MAP4K5: variants seen among roughly 807,000 people sequenced by gnomAD.
MAP4K5 encodes the protein MAPK/ERK kinase kinase kinase 5.
In MAP4K5, 82 loss-of-function variants were observed where a neutral mutation model predicts 135.6. That is an observed-to-expected ratio of 0.60 (90% CI 0.51 to 0.73). MAP4K5 has a LOEUF of 0.73. Ranked by LOEUF, MAP4K5 falls within the 30% of genes least tolerant of loss-of-function variation. MAP4K5 has a pLI of 0.00. For synonymous variants in MAP4K5, 347 were observed against 335.0 expected (o/e 1.04, Z -0.39); for missense variants, 907 against 1,010.9 (o/e 0.90, Z 1.39).
chr14:50,550,062 G>T (rs113810508), intron 1 of MAP4K5, among the ~76,000 whole-genome samples: 6,046 of 152,266 alleles, frequency 0.04, 378 homozygotes, highest in African/African-American at 0.14. Context: ...GCTGGAGGGT[G>T]AATGAAGGCT....
chr14:50,435,118 C>A, intron 26 of MAP4K5, 53 bp from the exon 27 acceptor site: 1 of 867,562 alleles, frequency 1.2e-6, no homozygotes, highest in Non-Finnish European at 1.9e-6. Context: ...ATACTGAATA[C>A]TTTCATTGTA....
intron 28 of MAP4K5, among the ~76,000 whole-genome samples, chr14:50,432,768 G>A (rs1445811913): frequency 6.6e-6 from 1 of 151,910 alleles, no homozygotes; most frequent in Non-Finnish European, 1.5e-5. Context: ...TGGGCTGTCA[G>A]CCAAAACTTG....
intron 1 of MAP4K5, chr14:50,560,646 T>C (rs2038828867): frequency 5.6e-6 from 2 of 354,122 alleles, no homozygotes; most frequent in African/African-American, 2.1e-5. Flanking sequence ...GGAGGAAGGC[T>C]ATGGGGGTGG....
chr14:50,484,356 T>C (rs879736328), intron 5 of MAP4K5, among the ~76,000 whole-genome samples: 3 of 152,226 alleles, frequency 2.0e-5, no homozygotes, highest in Admixed American at 1.3e-4. Context: ...TAGATAATTA[T>C]GACATTTTAA....
At chr14:50,471,054 T>C (rs1403535882) in intron 9 of MAP4K5, among the ~76,000 whole-genome samples, 1 of 152,164 alleles carries the variant, frequency 6.6e-6, no homozygotes, top group East Asian at 1.9e-4. Context: ...GTGCAGGATG[T>C]ACAGGTTTTT....
rs1384341001 is a variant in MAP4K5, at chr14:50,434,497, C to G, written c.2061G>C (p.Met687Ile). ...MLVIPEQEYP[M>I]VCVAISKGTE... is the part of the protein sequence containing the mutation. ...TGCCTTTGCTAATAGCTACACAGAC[C>G]ATAGGGTATTCCTGTTCAGGTATCA... is the stretch of plus-strand genomic sequence containing the variant. The change falls in exon 28 of 33, where the codon ATG becomes ATC. Residue 687 changes from methionine (M) to isoleucine (I), a missense_variant. By Grantham distance (10) the Met-to-Ile change is conservative. This residue lies in a region of MAP4K5 where 690 missense variants were observed against 777.4 expected (regional missense o/e 0.89). Coordinates refer to ENST00000682126, the MANE Select transcript of MAP4K5 (RefSeq NM_006575.6). 1.3e-5 allele frequency: 21 copies of G among 1,607,520 alleles called. No individual in the cohort carries two copies. Among genetic ancestry groups the G allele is most frequent in the Non-Finnish European group, 1.8e-5 (21 of 1,176,888 alleles).
At chr14:50,476,918 C>G (rs2037114609) in intron 6 of MAP4K5, among the ~76,000 whole-genome samples, 1 of 152,176 alleles carries the variant, frequency 6.6e-6, no homozygotes, top group Admixed American at 6.5e-5. Context: ...CACTGATGTG[C>G]TTTCTGGCAC....
chr14:50,513,621 T>C (rs1387856213), intron 2 of MAP4K5, among the ~76,000 whole-genome samples: 1 of 151,030 alleles, frequency 6.6e-6, no homozygotes, highest in Non-Finnish European at 1.5e-5. Flanking sequence ...AGGACAGCCA[T>C]CTAAAAGCTA....
intron 6 of MAP4K5, among the ~76,000 whole-genome samples, chr14:50,477,767 G>A (rs1367001491): frequency 6.6e-6 from 1 of 152,074 alleles, no homozygotes; most frequent in African/African-American, 2.4e-5. Flanking sequence ...AAGATGAAAT[G>A]ATTTTTGGAT....
chr14:50,554,066 C>CA (rs1046348590), intron 1 of MAP4K5, among the ~76,000 whole-genome samples: 4 of 149,868 alleles, frequency 2.7e-5, no homozygotes, highest in Admixed American at 1.3e-4. Flanking sequence ...ATTAATGTAA[C>CA]AAAAAAAATC....
At chr14:50,543,665 A>G (rs912648325) in intron 1 of MAP4K5, among the ~76,000 whole-genome samples, 1 of 152,170 alleles carries the variant, frequency 6.6e-6, no homozygotes, top group African/African-American at 2.4e-5. Context: ...AACCCCTGTA[A>G]GGATGTAGTA....
Position 50,464,088 on chromosome 14 carries a change from GT to G in MAP4K5, c.782del (p.Asn261ThrfsTer12). 2 of 1,547,364 alleles carry G rather than the reference GT, an allele frequency of 1.3e-6. No individual in the cohort carries two copies. The highest frequency in any genetic ancestry group is 1.7e-6 in the Non-Finnish European group (2 of 1,143,072). On this transcript the variant is annotated frameshift_variant, in exon 12 of 33. Coordinates refer to ENST00000682126, the MANE Select transcript of MAP4K5 (RefSeq NM_006575.6). LOFTEE classifies it high-confidence loss of function. ...TTTCAGCAGTTGGTCTTTTTTTTGG[GT>G]TTTTGGTTAGTGCTATTTTGACAAA... ...HNFVKIALTKNPKKRPTAERL... is the reference protein window; with the variant it reads ...HNFVKIALTKXPKKRPTAERL...
rs76111158 is a variant in MAP4K5 at position 50,557,357 on chromosome 14, T to C, written c.-180+3683A>G. Among the ~76,000 whole-genome samples the C allele has an allele frequency of 8.0e-3, 1,222 of 152,310 alleles. 9 individuals are homozygous for C. The highest frequency in any genetic ancestry group is 0.027 in the African/African-American group (1,132 of 41,566). On this transcript the variant is annotated intron_variant, in intron 1 of 8. Transcript: ENST00000555216. ...CATCTCCCGTAGGTGACCAATCTCA[T>C]TGGTTTCTGGTTTAGTCTTGCTGTA...
At chr14:50,435,802 A>G (rs943751837) in intron 26 of MAP4K5, among the ~76,000 whole-genome samples, 2 of 152,144 alleles carry the variant, frequency 1.3e-5, no homozygotes, top group African/African-American at 4.8e-5. Context: ...AAATCTATAA[A>G]AATTCATATT....
At chr14:50,475,263 T>C (rs2037069719) in intron 8 of MAP4K5, 114 bp from the exon 9 acceptor site, 1 of 764,858 alleles carries the variant, frequency 1.3e-6, no homozygotes, top group African/African-American at 1.7e-5. Context: ...GTTAGAAAAA[T>C]GCGCATAAAT....
At chr14:50,420,217 T>TG (rs1352800354) in intron 32 of MAP4K5, 111 bp from the exon 33 acceptor site, 1 of 712,680 alleles carries the variant, frequency 1.4e-6, no homozygotes, top group Non-Finnish European at 2.6e-6. Flanking sequence ...TAAGATTACG[T>TG]AAGGATCACA....
intron 15 of MAP4K5, among the ~76,000 whole-genome samples, chr14:50,448,486 T>G (rs1172963972): frequency 1.4e-5 from 2 of 147,686 alleles, no homozygotes; most frequent in African/African-American, 5.0e-5. Flanking sequence ...AAAAAAAAGG[T>G]CCTAAGAGCT....
intron 21 of MAP4K5, 136 bp from the exon 22 acceptor site, chr14:50,440,577 G>T (rs577034613): frequency 3.8e-6 from 2 of 533,264 alleles, no homozygotes; most frequent in Non-Finnish European, 6.6e-6. Flanking sequence ...TCTTAAATTT[G>T]TATCACCTTC....
At chr14:50,433,057 G>A (rs1482468434) in intron 28 of MAP4K5, among the ~76,000 whole-genome samples, 3 of 152,088 alleles carry the variant, frequency 2.0e-5, no homozygotes, top group Non-Finnish European at 2.9e-5. Flanking sequence ...GGCCGGTCTC[G>A]AACTCCTGAC....
Sources: gnomAD v4.1 joint callset for allele counts (sites outside exome capture counted in the v4.1 genomes callset) on GRCh38, gnomAD v4.1.1 for gene constraint, gnomAD v4.1.1 regional missense constraint, MANE v1.5 for transcripts, NCBI Gene and HGNC (gene_info 2026-07-23, HGNC 2026-07-21) for gene names.